The following MEIS1 variants were observed in gnomAD, a reference collection of about 807,000 sequenced individuals.
MEIS1 encodes homeobox protein Meis1.
In MEIS1, 5 loss-of-function variants were observed where a neutral mutation model predicts 50.8. The observed-to-expected ratio is 0.10, with a 90% CI of 0.05 to 0.21. The LOEUF (loss-of-function observed/expected upper bound fraction) is 0.21, where lower values mean the gene tolerates loss of function less well. Ranked by LOEUF, MEIS1 falls within the 10% of genes least tolerant of loss-of-function variation. MEIS1 has a pLI of 1.00. For missense variants in MEIS1, 318 were observed against 517.3 expected (o/e 0.61, Z 3.74); for synonymous variants, 176 against 179.3 (o/e 0.98, Z 0.15).
intron 8 of MEIS1, among the ~76,000 whole-genome samples, chr2:66,542,730 C>G (rs1244552453): frequency 1.3e-5 from 2 of 152,172 alleles, no homozygotes; most frequent in Non-Finnish European, 2.9e-5. Context: ...TTCAAATTTT[C>G]TGCTGCCATT....
At chr2:66,568,510 T>TCGGC in intron 10 of MEIS1, 157 bp from the exon 11 acceptor site, 1 of 557,346 alleles carries the variant, frequency 1.8e-6, no homozygotes, top group South Asian at 2.0e-5. Context: ...TGTGTAGATC[T>TCGGC]AGTCTGAGAG....
chr2:66,488,146 G>A lies in MEIS1; in HGVS notation c.742+23926G>A, dbSNP rs1673185552. ...ATTTGGTTATTACTAAAATTTCCCA[G>A]TGATTTGTGTATTTAACTATTTGTC... On this transcript the variant is annotated intron_variant, in intron 7 of 12. Transcript: ENST00000272369. Among the ~76,000 whole-genome samples, 5 of 152,230 alleles carry A rather than the reference G, an allele frequency of 3.3e-5. No individual in the cohort carries two copies. In the South Asian group the frequency reaches 1.0e-3, roughly 32 times the overall value.
chr2:66,473,397 A>AAAAAATATATATATATATATATATAT, intron 7 of MEIS1, among the ~76,000 whole-genome samples: 4 of 107,586 alleles, frequency 3.7e-5, no homozygotes, highest in African/African-American at 2.3e-4. Context: ...AAAAAAAAAA[A>AAAAAATATATATATATATATATATAT]ATATATATAT....
chr2:66,494,116 A>G (rs200596175), intron 7 of MEIS1, among the ~76,000 whole-genome samples: 1 of 148,988 alleles, frequency 6.7e-6, no homozygotes, highest in East Asian at 2.0e-4. Flanking sequence ...TTCACTTGTG[A>G]CAAAAAAAGA....
intron 7 of MEIS1, among the ~76,000 whole-genome samples, chr2:66,470,426 A>C (rs1287529841): frequency 6.6e-6 from 1 of 152,188 alleles, no homozygotes; most frequent in South Asian, 2.1e-4. Flanking sequence ...GTTGAATGAG[A>C]TGTAGAGACA....
intron 7 of MEIS1, among the ~76,000 whole-genome samples, chr2:66,470,684 A>G (rs546540971): frequency 6.6e-6 from 1 of 152,330 alleles, no homozygotes; most frequent in East Asian, 1.9e-4. Context: ...AGTAAACTTG[A>G]GGTCATTGTT....
intron 8 of MEIS1, among the ~76,000 whole-genome samples, chr2:66,539,317 G>A (rs554857696): frequency 2.0e-5 from 3 of 152,112 alleles, no homozygotes; most frequent in Non-Finnish European, 2.9e-5. Flanking sequence ...CCTTCCATTA[G>A]CAGAACTGAG....
chr2:66,537,665 G>A (rs1453151922), intron 8 of MEIS1, among the ~76,000 whole-genome samples: 1 of 152,148 alleles, frequency 6.6e-6, no homozygotes, highest in Non-Finnish European at 1.5e-5. Flanking sequence ...GCTAGACAGG[G>A]CATCTGTAAA....
intron 10 of MEIS1, chr2:66,567,848 G>A: frequency 3.7e-6 from 2 of 538,412 alleles, no homozygotes; most frequent in East Asian, 3.2e-5. Flanking sequence ...ACTCCCTGGT[G>A]CATGGCTTGG....
intron 6 of MEIS1, among the ~76,000 whole-genome samples, chr2:66,448,289 A>G (rs1428052606): frequency 1.3e-5 from 2 of 152,204 alleles, no homozygotes; most frequent in Non-Finnish European, 2.9e-5. Context: ...AATGTTTGTC[A>G]TAGTCCCAAA....
intron 8 of MEIS1, among the ~76,000 whole-genome samples, chr2:66,529,772 TTTTTC>T (rs1674344833): frequency 1.3e-5 from 2 of 152,286 alleles, no homozygotes; most frequent in East Asian, 1.9e-4. Flanking sequence ...GAAGGCATGG[TTTTTC>T]TTTTCTTTTT....
chr2:66,568,641 A>G, intron 10 of MEIS1, 26 bp from the exon 11 acceptor site: 9 of 1,587,608 alleles, frequency 5.7e-6, no homozygotes, highest in Non-Finnish European at 7.8e-6. Flanking sequence ...ACTGTTATTA[A>G]AAAACCACAT....
At chr2:66,514,796 G>C (rs1009276471) in intron 8 of MEIS1, among the ~76,000 whole-genome samples, 1 of 152,032 alleles carries the variant, frequency 6.6e-6, no homozygotes, top group African/African-American at 2.4e-5. Context: ...TTCTCTAATT[G>C]CAAGAGCAAA....
intron 8 of MEIS1, among the ~76,000 whole-genome samples, chr2:66,532,841 A>T (rs1352418187): frequency 1.3e-5 from 2 of 152,190 alleles, no homozygotes; most frequent in Non-Finnish European, 2.9e-5. Context: ...GTATGACATG[A>T]CATATATTTC....
intron 1 of MEIS1, among the ~76,000 whole-genome samples, chr2:66,436,123 A>T (rs768092778): frequency 6.6e-6 from 1 of 152,096 alleles, no homozygotes; most frequent in African/African-American, 2.4e-5. Flanking sequence ...GCAAGCTCAA[A>T]CAATCATCTG....
intron 8 of MEIS1, among the ~76,000 whole-genome samples, chr2:66,546,626 G>A (rs1674797988): frequency 6.6e-6 from 1 of 152,144 alleles, no homozygotes; most frequent in African/African-American, 2.4e-5. Context: ...GGGATATAAT[G>A]GGGATTAATT....
rs1246790278 is a variant in MEIS1, at chr2:66,450,729, A to C, written c.630+7681A>C. ...ATTACTCTAATATCAATATATGACAACATTCTAGTATCAATACCTGGCCAC... is the reference window on the plus strand; with the variant it reads ...ATTACTCTAATATCAATATATGACACCATTCTAGTATCAATACCTGGCCAC... On this transcript the variant is annotated intron_variant, in intron 6 of 12. Coordinates refer to ENST00000272369, the MANE Select transcript of MEIS1 (RefSeq NM_002398.3). Among the ~76,000 whole-genome samples, 3 of 152,156 alleles carry C rather than the reference A, an allele frequency of 2.0e-5. No individual in the cohort carries two copies. In the South Asian group the frequency reaches 6.2e-4, roughly 32 times the overall value.
intron 8 of MEIS1, among the ~76,000 whole-genome samples, chr2:66,546,857 CA>C (rs1395438909): frequency 6.6e-6 from 1 of 152,152 alleles, no homozygotes; most frequent in African/African-American, 2.4e-5. Flanking sequence ...TGGTCATTAA[CA>C]AGCCTTTTTA....
Position 66,435,877 on chromosome 2 carries a change from T to TA in MEIS1, c.12+15dup, listed in dbSNP as rs80125260. On this transcript the variant is annotated intron_variant, in intron 1 of 12. Coordinates refer to ENST00000272369, the MANE Select transcript of MEIS1 (RefSeq NM_002398.3). ...GGCCGATGGCGCAAAGGGTACGTAT[T>TA]AAAAAACAATTGTGGAACTCAAATG... 2 of 1,560,482 alleles carry TA rather than the reference T, an allele frequency of 1.3e-6. No homozygotes were observed. Among genetic ancestry groups the TA allele is most frequent in the East Asian group, 2.4e-5 (1 of 41,988 alleles).
Sources: allele counts gnomAD v4.1 joint callset (sites outside exome capture counted in the v4.1 genomes callset), GRCh38; gene constraint gnomAD v4.1.1; transcripts MANE v1.5; gene names NCBI Gene and HGNC (gene_info 2026-07-23, HGNC 2026-07-21).